Variants in ADGB observed in about 807,000 individuals in gnomAD.
The protein encoded by ADGB is calpain-7-like protein.
In ADGB, 172 loss-of-function variants were observed where a neutral mutation model predicts 210.5. The observed-to-expected ratio is 0.82, with a 90% CI of 0.72 to 0.93. ADGB has a LOEUF of 0.93. ADGB is among the 40% of genes least tolerant of loss of function. The pLI, the probability that ADGB is intolerant of heterozygous loss-of-function variation, is 0.00. For missense variants in ADGB, 2,025 were observed against 1,964.8 expected (o/e 1.03, Z -0.58); for synonymous variants, 658 against 662.7 (o/e 0.99, Z 0.11).
Position 146,733,168 on chromosome 6 carries a change from A to G in ADGB, c.2569A>G (p.Lys857Glu), listed in dbSNP as rs770239329. Residue 857 changes from lysine to glutamate, a missense_variant, in exon 21 of 36, where the codon AAA (lysine) becomes GAA (glutamate). By Grantham distance (56) the Lys-to-Glu change is moderately conservative (BLOSUM62 1). Coordinates refer to ENST00000397944, the MANE Select transcript of ADGB (RefSeq NM_024694.4). ...TTTAATGAAAAAAGTTCAAATAACA[A>G]AACCTCCTCCAAACTTCAAATTTGC... ...WRLMKKVQIT[K>E]PPPNFKFAFR... 4 of 1,540,208 alleles carry G rather than the reference A, an allele frequency of 2.6e-6. No homozygotes were observed. In the South Asian group the frequency reaches 4.9e-5, roughly 19 times the overall value.
At chr6:146,755,384 G>T (rs184631879) in intron 27 of ADGB, among the ~76,000 whole-genome samples, 1 of 152,198 alleles carries the variant, frequency 6.6e-6, no homozygotes, top group Non-Finnish European at 1.5e-5. Context: ...CCTCGTGGGA[G>T]GTGATTAGAC....
intron 10 of ADGB, among the ~76,000 whole-genome samples, chr6:146,687,641 T>C (rs1193057598): frequency 6.6e-6 from 1 of 151,510 alleles, no homozygotes; most frequent in Admixed American, 6.6e-5. Flanking sequence ...ACAGGGCCTG[T>C]TGTGGGATGG....
At chr6:146,712,623 TTC>T (rs1382685861) in intron 13 of ADGB, among the ~76,000 whole-genome samples, 1 of 152,200 alleles carries the variant, frequency 6.6e-6, no homozygotes, top group Admixed American at 6.5e-5. Context: ...TAATTTTCTC[TTC>T]TCATTTTCTC....
chr6:146,607,076 A>C (rs1780640892), intron 1 of ADGB, among the ~76,000 whole-genome samples: 1 of 152,084 alleles, frequency 6.6e-6, no homozygotes, highest in Admixed American at 6.5e-5. Flanking sequence ...GATTTCTTTA[A>C]GCAATGTTTT....
At chr6:146,727,517 C>T (rs1395924243) in intron 19 of ADGB, among the ~76,000 whole-genome samples, 1 of 152,160 alleles carries the variant, frequency 6.6e-6, no homozygotes, top group African/African-American at 2.4e-5. Flanking sequence ...ATATGGTATA[C>T]ATTGTCAGTT....
intron 29 of ADGB, among the ~76,000 whole-genome samples, chr6:146,780,118 A>C (rs1296624627): frequency 2.6e-5 from 4 of 152,108 alleles, no homozygotes; most frequent in African/African-American, 9.7e-5. Flanking sequence ...AAATACGTGA[A>C]CAAAGTTTTT....
At chr6:146,732,215 C>T (rs925662265) in intron 20 of ADGB, among the ~76,000 whole-genome samples, 2 of 152,136 alleles carry the variant, frequency 1.3e-5, no homozygotes, top group Non-Finnish European at 1.5e-5. Context: ...ACCAGATTTT[C>T]TATAACCTCT....
chr6:146,661,220 C>CTTTTTTTTTTTTTTT (rs5880682), intron 5 of ADGB, among the ~76,000 whole-genome samples: 5 of 116,064 alleles, frequency 4.3e-5, no homozygotes, highest in Non-Finnish European at 5.1e-5. Flanking sequence ...TTCTTTTTTT[C>CTTTTTTTTTTTTTTT]TTTTTTTTTT....
At chr6:146,615,098 G>A (rs969412136) in intron 1 of ADGB, among the ~76,000 whole-genome samples, 2 of 151,216 alleles carry the variant, frequency 1.3e-5, no homozygotes, top group African/African-American at 2.4e-5. Flanking sequence ...TAGTAGAGAC[G>A]GGGTTTCACG....
At chr6:146,718,269 C>T (rs1484160870) in intron 16 of ADGB, among the ~76,000 whole-genome samples, 1 of 149,866 alleles carries the variant, frequency 6.7e-6, no homozygotes, top group Middle Eastern at 3.2e-3. Context: ...ATCGCTTGAA[C>T]CTGGGAGGCA....
intron 1 of ADGB, among the ~76,000 whole-genome samples, chr6:146,619,932 C>G (rs1780864396): frequency 6.6e-6 from 1 of 152,014 alleles, no homozygotes. Flanking sequence ...TTGAAAAACT[C>G]TCTTTTGGTA....
At chr6:146,732,746 T>C (rs949078807) in intron 20 of ADGB, among the ~76,000 whole-genome samples, 3 of 152,158 alleles carry the variant, frequency 2.0e-5, no homozygotes, top group African/African-American at 7.2e-5. Flanking sequence ...ATGTAGCATA[T>C]GAAATAATAG....
At chr6:146,802,929 T>G in intron 35 of ADGB, 2 of 1,610,566 alleles carry the variant, frequency 1.2e-6, no homozygotes, top group Non-Finnish European at 1.7e-6. Flanking sequence ...TTTCCATCAT[T>G]TAAAATTTGT....
intron 5 of ADGB, among the ~76,000 whole-genome samples, chr6:146,657,328 AAAAAAG>A (rs961630867): frequency 4.6e-5 from 7 of 152,098 alleles, no homozygotes; most frequent in East Asian, 1.9e-4. Flanking sequence ...TCCAAAAAAA[AAAAAAG>A]AAAGAAAGAA....
At chr6:146,623,688 G>A (rs904118607) in intron 1 of ADGB, among the ~76,000 whole-genome samples, 15 of 151,878 alleles carry the variant, frequency 9.9e-5, no homozygotes, top group African/African-American at 3.6e-4. Flanking sequence ...AAAGCATTCA[G>A]TCTTACATCA....
intron 1 of ADGB, among the ~76,000 whole-genome samples, chr6:146,618,591 T>G (rs1216022214): frequency 1.3e-5 from 2 of 152,072 alleles, no homozygotes; most frequent in Non-Finnish European, 2.9e-5. Flanking sequence ...TAAATTTCCT[T>G]TTTAATTTCT....
chr6:146,668,969 A>G (rs1171765432), intron 7 of ADGB, among the ~76,000 whole-genome samples: 1 of 152,080 alleles, frequency 6.6e-6, no homozygotes, highest in African/African-American at 2.4e-5. Context: ...AAGCCTAATC[A>G]TCCAAGAAGT....
At chr6:146,621,141 G>C (rs1780887438) in intron 1 of ADGB, among the ~76,000 whole-genome samples, 1 of 152,122 alleles carries the variant, frequency 6.6e-6, no homozygotes, top group Non-Finnish European at 1.5e-5. Flanking sequence ...CCCTGCCATT[G>C]TTTTCTGGTC....
chr6:146,620,047 A>T (rs914946233), intron 1 of ADGB, among the ~76,000 whole-genome samples: 4 of 152,094 alleles, frequency 2.6e-5, no homozygotes, highest in Non-Finnish European at 5.9e-5. Flanking sequence ...TGCTGGGTAT[A>T]ATCTTACTGT....
Sources: gnomAD v4.1 joint callset for allele counts (sites outside exome capture counted in the v4.1 genomes callset) on GRCh38, gnomAD v4.1.1 for gene constraint, MANE v1.5 for transcripts, NCBI Gene and HGNC (gene_info 2026-07-23, HGNC 2026-07-21) for gene names.